Variants in CELF2 observed in about 807,000 individuals in gnomAD.
CELF2 encodes the protein CUGBP Elav-like family member 2.
Under a neutral mutation model 62.6 loss-of-function variants are expected in CELF2, and 8 were observed. The observed-to-expected ratio is 0.13, with a 90% confidence interval of 0.07 to 0.23. CELF2 has a LOEUF of 0.23. Ranked by LOEUF, CELF2 falls within the 10% of genes least tolerant of loss-of-function variation. CELF2 has a pLI of 1.00. For missense variants in CELF2, 333 were observed against 671.0 expected (o/e 0.50, Z 5.56); for synonymous variants, 258 against 250.0 (o/e 1.03, Z -0.30).
the CELF2 span, among the ~76,000 whole-genome samples, chr10:10,582,648 A>G: frequency 1.3e-5 from 2 of 152,164 alleles, no homozygotes; most frequent in African/African-American, 2.4e-5. Flanking sequence ...GCAATCAATA[A>G]GCATTGTTGA....
chr10:10,508,201 T>C, the CELF2 span, among the ~76,000 whole-genome samples: 3 of 151,874 alleles, frequency 2.0e-5, no homozygotes, highest in African/African-American at 4.8e-5. Context: ...CTCCTTGCAA[T>C]AGGCAGTCAA....
At chr10:11,054,042 A>C (rs2064584881) in intron 1 of CELF2, among the ~76,000 whole-genome samples, 1 of 152,238 alleles carries the variant, frequency 6.6e-6, no homozygotes, top group South Asian at 2.1e-4. Flanking sequence ...AACATAGCCA[A>C]AATGAATTTT....
chr10:11,123,130 C>G (rs942061127), intron 1 of CELF2, among the ~76,000 whole-genome samples: 1 of 152,104 alleles, frequency 6.6e-6, no homozygotes, highest in African/African-American at 2.4e-5. Context: ...GAGTAAAATC[C>G]TAGATGTTAT....
chr10:10,604,273 C>T, the CELF2 span, among the ~76,000 whole-genome samples: 2 of 152,146 alleles, frequency 1.3e-5, no homozygotes, highest in East Asian at 3.8e-4. Flanking sequence ...GCTTAAGATA[C>T]GATAGATTTC....
At chr10:10,907,682 G>C (rs761474763) in intron 1 of CELF2, among the ~76,000 whole-genome samples, 12 of 151,838 alleles carry the variant, frequency 7.9e-5, no homozygotes, top group Non-Finnish European at 1.3e-4. Context: ...TGATTATAGA[G>C]ATGTAATTGT....
At chr10:10,651,349 C>T in the CELF2 span, among the ~76,000 whole-genome samples, 6 of 148,972 alleles carry the variant, frequency 4.0e-5, no homozygotes, top group South Asian at 9.0e-4. Context: ...CGGGGAAGCT[C>T]GAACTGGGTG....
At chr10:10,517,296 C>T in the CELF2 span, among the ~76,000 whole-genome samples, 3 of 152,090 alleles carry the variant, frequency 2.0e-5, no homozygotes, top group Non-Finnish European at 4.4e-5. Flanking sequence ...GAGGTGGCCT[C>T]AGTTTCCAGC....
chr10:10,618,597 C>T, the CELF2 span, among the ~76,000 whole-genome samples: 1 of 152,082 alleles, frequency 6.6e-6, no homozygotes, highest in Admixed American at 6.5e-5. Flanking sequence ...TCTCATTCGT[C>T]TCTTGTTCTC....
chr10:10,952,360 C>CTTT (rs1292657861), intron 2 of CELF2: 3 of 152,134 alleles, frequency 2.0e-5, no homozygotes, highest in Non-Finnish European at 4.4e-5. Context: ...GGGTATTGGA[C>CTTT]CAAACCCCAA....
intron 2 of CELF2, among the ~76,000 whole-genome samples, chr10:11,203,543 A>G (rs2059748268): frequency 6.6e-6 from 1 of 152,230 alleles, no homozygotes; most frequent in African/African-American, 2.4e-5. Flanking sequence ...CCTAACTGGA[A>G]TCAGGCCAGG....
At chr10:11,272,949 G>C (rs906350221) in intron 7 of CELF2, among the ~76,000 whole-genome samples, 1 of 152,156 alleles carries the variant, frequency 6.6e-6, no homozygotes, top group Non-Finnish European at 1.5e-5. Context: ...GGAAGTTGCA[G>C]TTGATAAGCG....
the CELF2 span, among the ~76,000 whole-genome samples, chr10:10,673,411 T>C: frequency 1.3e-5 from 2 of 152,104 alleles, no homozygotes; most frequent in African/African-American, 4.8e-5. Context: ...TACAGTAATT[T>C]GTGTTTTATC....
chr10:11,019,063 AAAG>A (rs1370905520), intron 1 of CELF2, among the ~76,000 whole-genome samples: 1 of 152,150 alleles, frequency 6.6e-6, no homozygotes. Context: ...CGTTTATTGG[AAAG>A]AAGTAGAGAG....
the CELF2 span, among the ~76,000 whole-genome samples, chr10:10,506,670 A>ATTTTTTTTTTTTT: frequency 2.2e-3 from 141 of 64,568 alleles, 26 homozygotes; most frequent in Non-Finnish European, 3.1e-3. Context: ...CCTCCTGTGA[A>ATTTTTTTTTTTTT]TTTTTTTTTT....
intron 1 of CELF2, among the ~76,000 whole-genome samples, chr10:10,839,720 T>C (rs906720787): frequency 3.9e-5 from 6 of 152,224 alleles, no homozygotes; most frequent in Non-Finnish European, 7.3e-5. Context: ...TTATGAATGA[T>C]GTTTTTTGAA....
At chr10:10,712,089 T>A in the CELF2 span, among the ~76,000 whole-genome samples, 7 of 145,432 alleles carry the variant, frequency 4.8e-5, no homozygotes, top group Admixed American at 2.1e-4. Flanking sequence ...CTCAGAAGAT[T>A]TAGCATGTCT....
At chr10:10,602,396 G>A in the CELF2 span, among the ~76,000 whole-genome samples, 52 of 152,208 alleles carry the variant, frequency 3.4e-4, no homozygotes, top group East Asian at 9.1e-3. Flanking sequence ...CTCATGTGTA[G>A]TCCCCCAAAC....
At chr10:11,088,734 C>T (rs1315662178) in intron 1 of CELF2, among the ~76,000 whole-genome samples, 3 of 152,144 alleles carry the variant, frequency 2.0e-5, no homozygotes, top group South Asian at 2.1e-4. Context: ...TTATGGACTG[C>T]GTGGGTCAGG....
At chr10:10,999,311 T>G (rs1039559495) in intron 2 of CELF2, among the ~76,000 whole-genome samples, 1 of 152,212 alleles carries the variant, frequency 6.6e-6, no homozygotes, top group African/African-American at 2.4e-5. Context: ...GGGGATAAAA[T>G]GGAGAAGCTC....
Sources: gnomAD v4.1 joint callset for allele counts (sites outside exome capture counted in the v4.1 genomes callset) on GRCh38, gnomAD v4.1.1 for gene constraint, MANE v1.5 for transcripts, NCBI Gene and HGNC (gene_info 2026-07-23, HGNC 2026-07-21) for gene names.